Variants in LRP1 observed in about 807,000 individuals in gnomAD.
LRP1 encodes the protein prolow-density lipoprotein receptor-related protein 1.
Under a neutral mutation model 541.5 loss-of-function variants are expected in LRP1, and 51 were observed. That is an observed-to-expected ratio of 0.09 (90% CI 0.08 to 0.12). The LOEUF (loss-of-function observed/expected upper bound fraction) is 0.12. LRP1 is among the 10% of genes least tolerant of loss of function. The pLI is 1.00. For synonymous variants in LRP1, 2,219 were observed against 2,470.8 expected, an observed-to-expected ratio of 0.90 and a Z score of 3.02; for missense variants, 3,878 against 6,376.2, an observed-to-expected ratio of 0.61 and a Z score of 13.34.
At chr12:57,163,086 G>C in intron 15 of LRP1, 103 bp downstream of exon 15, 1 of 1,439,244 alleles carries the variant, frequency 6.9e-7, no homozygotes. Flanking sequence ...AGATTAAGGA[G>C]GCAATGAGGG....
intron 34 of LRP1, among the ~76,000 whole-genome samples, chr12:57,181,985 A>C (rs1476833654): frequency 6.6e-6 from 1 of 152,190 alleles, no homozygotes; most frequent in South Asian, 2.1e-4. Context: ...GAGTTGAACA[A>C]AGTTTAAAAG....
rs767772783 is a variant in LRP1, at chr12:57,193,880, G to C, written c.7805-19G>C. 3.1e-6 allele frequency: 5 copies of C among 1,608,900 alleles called. No homozygotes were observed. Among genetic ancestry groups the C allele is most frequent in the Non-Finnish European group, 4.3e-6 (5 of 1,175,984 alleles). The stretch of plus-strand genomic sequence containing the variant: ...AGAGAAAACTCTGGCCTGACGATAC[G>C]GGGCGGGCACTGTTCTAGAGACAGC... On this transcript the variant is annotated intron_variant, in intron 47 of 88. Transcript: ENST00000243077.
In LRP1 at chr12:57,154,412, G is replaced by A; in HGVS notation, c.1004+42G>A. The stretch of plus-strand genomic sequence containing the variant: ...GGGTTCTGGCCCTGGAAGGTGGGAG[G>A]CTGAGGCTACAGTGGTAAGGAGGGT... On this transcript the variant is annotated intron_variant, in intron 7 of 88. Coordinates refer to ENST00000243077, the MANE Select transcript of LRP1 (RefSeq NM_002332.3). The surrounding 1 kb of genome is among the most constrained non-coding windows in gnomAD (Gnocchi z 4.6). The A allele has an allele frequency of 6.2e-7, 1 of 1,603,342 alleles. No homozygotes were observed. Among genetic ancestry groups the A allele is most frequent in the East Asian group, 2.2e-5 (1 of 44,586 alleles).
chr12:57,193,460 G>A, intron 46 of LRP1, 106 bp from the exon 47 acceptor site: 51 of 1,522,820 alleles, frequency 3.3e-5, no homozygotes, highest in Non-Finnish European at 4.5e-5. Context: ...CCTGGACTGG[G>A]CCTTTGGGTT....
chr12:57,134,645 T>G (rs929132947), intron 1 of LRP1, among the ~76,000 whole-genome samples: 2 of 151,658 alleles, frequency 1.3e-5, no homozygotes, highest in African/African-American at 4.8e-5. Flanking sequence ...CGCCTCCACC[T>G]CCCAAAGTGC....
In LRP1 at chr12:57,166,109, A is replaced by T; in HGVS notation, c.2697A>T (p.Arg899=). The T allele has an allele frequency of 6.2e-7, 1 of 1,614,204 alleles. No homozygotes were observed. Among genetic ancestry groups the T allele is most frequent in the Non-Finnish European group, 8.5e-7 (1 of 1,180,038 alleles). The part of the protein sequence containing the change: ...LCHQHTCPSD[R]FKCENNRCIP... ...ATCAGCACACCTGCCCCTCGGACCG[A>T]TTCAAGTGCGAGAACAACCGGTGCA... is the stretch of plus-strand genomic sequence containing the variant. Residue 899 remains arginine (R), a synonymous_variant, in exon 17 of 89, where the codon CGA becomes CGT. Transcript: ENST00000243077.
Position 57,183,675 on chromosome 12 carries a change from C to G in LRP1, c.5795-100C>G. ...CCTCCCCTTCAAGCACCTGGCCCCT[C>G]CGGCACTCTCTCACCTCTGTCTTGA... On this transcript the variant is annotated intron_variant, in intron 35 of 88. Transcript: ENST00000243077. This position sits in a 1 kb window ranked among gnomAD's most constrained non-coding sequence, Gnocchi z 6.1. 6.5e-7 allele frequency: 1 copy of G among 1,538,482 alleles called. No homozygotes were observed.
chr12:57,129,099 A>C, intron 1 of LRP1, 68 bp downstream of exon 1: 1 of 1,463,330 alleles, frequency 6.8e-7, no homozygotes, highest in Non-Finnish European at 9.4e-7. Flanking sequence ...ACTCCTGCAT[A>C]CGGATGGGGA....
Position 57,197,257 on chromosome 12 carries a change from C to G in LRP1, c.9077-42C>G. ...CCAGACAGGCAGGAGACCAGGGCCG[C>G]TAGAATGTGCCAGGAGCTGAGGCAA... is the stretch of plus-strand genomic sequence containing the variant. On this transcript the variant is annotated intron_variant, in intron 56 of 88. Transcript: ENST00000243077. This position sits in a 1 kb window ranked among gnomAD's most constrained non-coding sequence, Gnocchi z 4.5. 6.2e-7 allele frequency: 1 copy of G among 1,613,136 alleles called. No individual in the cohort carries two copies.
At chr12:57,146,831 G>A (rs917009191) in intron 6 of LRP1, 2 of 152,326 alleles carry the variant, frequency 1.3e-5, no homozygotes, top group African/African-American at 4.8e-5. Flanking sequence ...TGGCTGATGG[G>A]GTGGGATTGG....
chr12:57,202,741 A>T, intron 68 of LRP1: 4 of 574,634 alleles, frequency 7.0e-6, no homozygotes, highest in South Asian at 4.3e-5. Flanking sequence ...CCATTTTCAC[A>T]CTGTCCTCTC....
At position 57,189,322 on chromosome 12, in the gene LRP1, A is replaced by T. The variant is rs1461842693; in HGVS notation, c.7032-1483A>T. Among the ~76,000 whole-genome samples the T allele has an allele frequency of 6.6e-6, 1 of 152,152 alleles. No homozygotes were observed. The highest frequency in any genetic ancestry group is 2.4e-5 in the African/African-American group (1 of 41,410). On this transcript the variant is annotated intron_variant, in intron 42 of 88. Transcript: ENST00000243077. This position sits in a 1 kb window ranked among gnomAD's most constrained non-coding sequence, Gnocchi z 4.4. ...GGTGGGGACTGACAGGCCAAGTCCA[A>T]TCCTGACAAGCCAGGAAGATGACTG... is the stretch of plus-strand genomic sequence containing the variant.
rs369515297 is a variant in LRP1 at position 57,191,427 on chromosome 12, C to T, written c.7344C>T (p.His2448=). ...VRRAVQRANK[H]VGSNMKLLRV... ...GGGCAGTGCAGCGGGCCAACAAGCA[C>T]GTGGGCAGCAACATGAAGCTGCTGC... is the stretch of plus-strand genomic sequence containing the variant. The change falls in exon 44 of 89, where the codon CAC becomes CAT. Residue 2448 remains histidine (H), a synonymous_variant. Coordinates refer to ENST00000243077, the MANE Select transcript of LRP1 (RefSeq NM_002332.3). The T allele has an allele frequency of 1.7e-5, 28 of 1,613,108 alleles. No individual in the cohort carries two copies. Among genetic ancestry groups the T allele is most frequent in the African/African-American group, 1.3e-4 (10 of 74,786 alleles).
Position 57,184,263 on chromosome 12 carries a change from T to A in LRP1, c.6059+49T>A. ...TTGTCATTCTGCCCATGGCCCATGCTGATGAGGCCCTGTCTCCTCCAGGGT... is the reference window on the plus strand; with the variant it reads ...TTGTCATTCTGCCCATGGCCCATGCAGATGAGGCCCTGTCTCCTCCAGGGT... On this transcript the variant is annotated intron_variant, in intron 37 of 88. Transcript: ENST00000243077. This position sits in a 1 kb window ranked among gnomAD's most constrained non-coding sequence, Gnocchi z 7.8. 6.2e-7 allele frequency: 1 copy of A among 1,613,710 alleles called. No individual in the cohort carries two copies. Among genetic ancestry groups the A allele is most frequent in the Non-Finnish European group, 8.5e-7 (1 of 1,179,646 alleles).
At chr12:57,195,474 G>A in intron 52 of LRP1, 75 bp downstream of exon 52, 3 of 1,585,792 alleles carry the variant, frequency 1.9e-6, no homozygotes, top group African/African-American at 1.3e-5. Context: ...GGAAGCCGGG[G>A]TGCAGGAGAG....
Position 57,177,421 on chromosome 12 carries a change from C to A in LRP1, c.4197-6C>A. 6.3e-7 allele frequency: 1 copy of A among 1,585,660 alleles called. No individual in the cohort carries two copies. The highest frequency in any genetic ancestry group is 1.2e-5 in the South Asian group (1 of 85,360). ...TTAGCCCTCCTGACCCCTCCCCACT[C>A]CCCAGGATCCTGTTTTGGACAGACT... On this transcript the variant is annotated splice_region_variant and splice_polypyrimidine_tract_variant and intron_variant, in intron 25 of 88. Transcript: ENST00000243077. This position sits in a 1 kb window ranked among gnomAD's most constrained non-coding sequence, Gnocchi z 6.8.
chr12:57,169,627 C>A (rs2035907076), intron 20 of LRP1, among the ~76,000 whole-genome samples: 1 of 152,218 alleles, frequency 6.6e-6, no homozygotes. Context: ...GTTTCGTCTG[C>A]AAAGTGGGGT....
chr12:57,207,235 T>G (rs946484229), intron 76 of LRP1, among the ~76,000 whole-genome samples: 1 of 145,356 alleles, frequency 6.9e-6, no homozygotes, highest in Non-Finnish European at 1.5e-5. Flanking sequence ...AGAGTGAGAC[T>G]CGGTCTCTAA....
Position 57,202,546 on chromosome 12 carries a change from C to A in LRP1, c.10711+9C>A. 2.1e-6 allele frequency: 2 copies of A among 972,326 alleles called. No individual in the cohort carries two copies. Among genetic ancestry groups the A allele is most frequent in the Non-Finnish European group, 2.9e-6 (2 of 684,768 alleles). 60.2% of individuals were successfully genotyped at this position (972,326 alleles called of 1,614,324 possible). A position where few individuals can be genotyped will look rare whatever the true frequency, so the allele number is the denominator to read the frequency against. On this transcript the variant is annotated intron_variant, in intron 68 of 88. Transcript: ENST00000243077. ...CGATGAAGAGAGCTGCAGTACGTCC[C>A]CACCCACCCAGCCCCGCATGAGCCC... is the stretch of plus-strand genomic sequence containing the variant.
Sources: gnomAD v4.1 joint callset for allele counts (sites outside exome capture counted in the v4.1 genomes callset) on GRCh38, gnomAD v4.1.1 for gene constraint, Gnocchi (gnomAD v3.1) non-coding constraint, MANE v1.5 for transcripts, NCBI Gene and HGNC (gene_info 2026-07-23, HGNC 2026-07-21) for gene names.